The following PRTN3 variants were observed in gnomAD, a reference collection of about 807,000 sequenced individuals.
PRTN3 encodes the protein proteinase 3.
A neutral mutation model predicts 20.7 loss-of-function variants in PRTN3; 22 were observed. The ratio of observed to expected loss-of-function variants is 1.06; its 90% confidence interval spans 0.76 to 1.52. The LOEUF (loss-of-function observed/expected upper bound fraction) is 1.52, where lower values mean the gene tolerates loss of function less well. PRTN3 is among the 40% of genes most tolerant of loss of function. PRTN3 has a pLI of 0.00. For synonymous variants in PRTN3, 173 were observed against 152.9 expected (o/e 1.13, Z -0.97); for missense variants, 378 against 359.6 (o/e 1.05, Z -0.41).
In PRTN3 at chr19:846,251, C is replaced by A; in HGVS notation, c.474C>A (p.Gly158=). 6.4e-7 allele frequency: 1 copy of A among 1,562,924 alleles called. No homozygotes were observed. Among genetic ancestry groups the A allele is most frequent in the Non-Finnish European group, 8.7e-7 (1 of 1,154,852 alleles). ...CCCAGTGCCTGGCCATGGGCTGGGGCCGCGTGGGTGCCCACGACCCCCCAG... is the reference window on the plus strand; with the variant it reads ...CCCAGTGCCTGGCCATGGGCTGGGGACGCGTGGGTGCCCACGACCCCCCAG... The part of the protein sequence containing the change: ...HGTQCLAMGW[G]RVGAHDPPAQ... Residue 158 remains glycine, a synonymous_variant, in exon 4 of 5, where the codon GGC becomes GGA. Transcript: ENST00000234347.
chr19:842,586 A>ATTTTTTTTTTTTTT (rs71174326), intron 1 of PRTN3, among the ~76,000 whole-genome samples: 7 of 65,476 alleles, frequency 1.1e-4, no homozygotes, highest in African/African-American at 5.5e-4. Context: ...CACCTGGCTA[A>ATTTTTTTTTTTTTT]TTTTTTTTTT....
chr19:846,224 C>T lies in PRTN3; in HGVS notation c.447C>T (p.Gly149=), dbSNP rs1169790181. The change falls in exon 4 of 5, where the codon GGC becomes GGT. Residue 149 remains glycine (G), a synonymous_variant. Coordinates refer to ENST00000234347, the MANE Select transcript of PRTN3 (RefSeq NM_002777.4). ...AGCAGGACCAGCCAGTGCCCCACGG[C>T]ACCCAGTGCCTGGCCATGGGCTGGG... ...LPQQDQPVPH[G]TQCLAMGWGR... 1 of 1,549,240 alleles carries T rather than the reference C, an allele frequency of 6.5e-7. No individual in the cohort carries two copies. Among genetic ancestry groups the T allele is most frequent in the Non-Finnish European group, 8.7e-7 (1 of 1,146,652 alleles).
At chr19:847,490 TAGAG>T (rs762770412) in intron 4 of PRTN3, among the ~76,000 whole-genome samples, 56 of 83,236 alleles carry the variant, frequency 6.7e-4, no homozygotes, top group Admixed American at 2.0e-3. Flanking sequence ...AAGAAAGAGA[TAGAG>T]AGAGAAAGAA....
chr19:841,949 G>C (rs192757354), intron 1 of PRTN3, among the ~76,000 whole-genome samples: 3 of 151,802 alleles, frequency 2.0e-5, no homozygotes, highest in South Asian at 4.2e-4. Flanking sequence ...GGATGGTCTC[G>C]ATCTCCTGAC....
intron 2 of PRTN3, 49 bp downstream of exon 2, chr19:843,675 C>G (rs1455533614): frequency 4.0e-5 from 61 of 1,531,912 alleles, no homozygotes; most frequent in Non-Finnish European, 5.0e-5. Context: ...CCCTCTTCCT[C>G]CAGCCCTGGC....
chr19:841,166 G>A, intron 1 of PRTN3, 97 bp downstream of exon 1: 2 of 1,475,882 alleles, frequency 1.4e-6, no homozygotes, highest in Non-Finnish European at 1.8e-6. Flanking sequence ...TTCTGGCACA[G>A]CTGGGGAAAC....
intron 2 of PRTN3, 112 bp from the exon 3 acceptor site, chr19:843,781 G>A (rs1268674082): frequency 1.4e-5 from 20 of 1,455,552 alleles, no homozygotes; most frequent in Admixed American, 2.6e-5. Context: ...GGAGGCCCGG[G>A]GCAGGGTCGC....
At chr19:843,425 T>A in intron 1 of PRTN3, 36 bp from the exon 2 acceptor site, 1 of 1,514,620 alleles carries the variant, frequency 6.6e-7, no homozygotes, top group Non-Finnish European at 8.8e-7. Context: ...CCCTGCAGCC[T>A]GGGGGCTCCC....
Position 847,789 on chromosome 19 carries a change from T to C in PRTN3, c.601-10T>C, listed in dbSNP as rs375249672. 2.3e-5 allele frequency: 37 copies of C among 1,602,350 alleles called. No individual in the cohort carries two copies. The African/African-American group carries it at 4.3e-4, about 19-fold the overall frequency. ...CCCCTGATGGGTGACTGGCCGTCCC[T>C]GTCCTCCAGGGAGACTCAGGTGGCC... On this transcript the variant is annotated splice_polypyrimidine_tract_variant and intron_variant, in intron 4 of 4. Coordinates refer to ENST00000234347, the MANE Select transcript of PRTN3 (RefSeq NM_002777.4).
chr19:847,733 C>T lies in PRTN3; in HGVS notation c.601-66C>T, dbSNP rs2035537887. ...CAGGTGGCCCCTGATGGGTGACTGG[C>T]CGTCCCCATCCTCCAGGGAGACTCA... On this transcript the variant is annotated intron_variant, in intron 4 of 4. Transcript: ENST00000234347. 17 of 1,519,632 alleles carry T rather than the reference C, an allele frequency of 1.1e-5. No individual in the cohort carries two copies. The East Asian group carries it at 3.1e-4, about 27-fold the overall frequency. The allele number at this position is 1,519,632 out of a possible 1,614,324, so 94.1% of individuals were successfully genotyped here.
At chr19:842,498 C>T (rs183902928) in intron 1 of PRTN3, among the ~76,000 whole-genome samples, 70 of 134,914 alleles carry the variant, frequency 5.2e-4, no homozygotes, top group African/African-American at 1.9e-3. Flanking sequence ...CGGCTCACTG[C>T]AACCTGTGCC....
chr19:846,429 G>A, intron 4 of PRTN3, 52 bp downstream of exon 4: 1 of 1,510,724 alleles, frequency 6.6e-7, no homozygotes, highest in Non-Finnish European at 8.9e-7. Flanking sequence ...AGGGGAGGAG[G>A]GCGGCGGCCA....
chr19:847,665 G>T, intron 4 of PRTN3, 134 bp from the exon 5 acceptor site: 3 of 1,094,962 alleles, frequency 2.7e-6, no homozygotes, highest in African/African-American at 1.6e-5. Context: ...GGCTGCCTGG[G>T]GCCAGCCCGG....
Position 846,432 on chromosome 19 carries a change from G to A in PRTN3, c.600+55G>A, listed in dbSNP as rs888652703. On this transcript the variant is annotated intron_variant, in intron 4 of 4. Coordinates refer to ENST00000234347, the MANE Select transcript of PRTN3 (RefSeq NM_002777.4). ...CGGGCTGCCATGAGGGGAGGAGGGC[G>A]GCGGCCAGGGTTCCACGCCACCTCT... The A allele has an allele frequency of 1.9e-5, 29 of 1,494,712 alleles. 1 individual carries two copies. The highest frequency in any genetic ancestry group is 1.5e-4 in the South Asian group (12 of 81,738). 92.6% of individuals were successfully genotyped at this position (1,494,712 alleles called of 1,614,324 possible).
Position 846,209 on chromosome 19 carries a change from GCCAGTGCCCCACGGCAC to G in PRTN3, c.441_457del (p.His148GlyfsTer33). The G allele has an allele frequency of 1.3e-6, 2 of 1,544,874 alleles. No homozygotes were observed. Among genetic ancestry groups the G allele is most frequent in the Non-Finnish European group, 1.7e-6 (2 of 1,144,022 alleles). ...CAGTCCAGCTGCCACAGCAGGACCAGCCAGTGCCCCACGGCACCCAGTGCCTGGCCATGGGCTGGGGC... is the reference window on the plus strand; with the variant it reads ...CAGTCCAGCTGCCACAGCAGGACCAGCCAGTGCCTGGCCATGGGCTGGGGC... On this transcript the variant is annotated frameshift_variant, in exon 4 of 5. Coordinates refer to ENST00000234347, the MANE Select transcript of PRTN3 (RefSeq NM_002777.4). LOFTEE classifies it high-confidence loss of function.
intron 3 of PRTN3, among the ~76,000 whole-genome samples, chr19:845,803 G>A (rs547105303): frequency 2.0e-5 from 3 of 152,028 alleles, no homozygotes; most frequent in Non-Finnish European, 4.4e-5. Context: ...CAGCACTTTC[G>A]GAGGCTGAGG....
At chr19:844,671 T>C (rs1372561633) in intron 3 of PRTN3, among the ~76,000 whole-genome samples, 1 of 150,640 alleles carries the variant, frequency 6.6e-6, no homozygotes. Context: ...AACCGCGTGC[T>C]CCTCTCATTC....
chr19:843,824 C>T lies in PRTN3; in HGVS notation c.228-69C>T, dbSNP rs541712849. On this transcript the variant is annotated intron_variant, in intron 2 of 4. Transcript: ENST00000234347. ...GGGGTCTGGGGCTGCACCGCGGCCT[C>T]GGGAAGGGCCGGCTGTGGGCGGCGG... is the stretch of plus-strand genomic sequence containing the variant. The T allele has an allele frequency of 1.7e-4, 257 of 1,509,510 alleles. 1 individual carries two copies. Among genetic ancestry groups the T allele is most frequent in the Admixed American group, 1.0e-3 (45 of 45,044 alleles). The allele number at this position is 1,509,510 out of a possible 1,614,324, so 93.5% of individuals were successfully genotyped here. A position where few individuals can be genotyped will look rare whatever the true frequency, so the allele number is the denominator to read the frequency against.
At position 843,628 on chromosome 19, in the gene PRTN3, T is replaced by TGA; in HGVS notation, c.227+4_227+5dup. 1 of 1,555,680 alleles carries TGA rather than the reference T, an allele frequency of 6.4e-7. No individual in the cohort carries two copies. The highest frequency in any genetic ancestry group is 8.6e-7 in the Non-Finnish European group (1 of 1,158,490). Reference sequence around the variant, plus strand: ...GGCCGCGCACTGCCTGCGGGACATGTGAGCGGCCGCCTCCACACCCCTGTC... The same window carrying TGA: ...GGCCGCGCACTGCCTGCGGGACATGTGAGAGCGGCCGCCTCCACACCCCTGTC... On this transcript the variant is annotated splice_region_variant and intron_variant, in intron 2 of 4. Transcript: ENST00000234347.
Sources: gnomAD v4.1 joint callset for allele counts (sites outside exome capture counted in the v4.1 genomes callset) on GRCh38, gnomAD v4.1.1 for gene constraint, MANE v1.5 for transcripts, NCBI Gene and HGNC (gene_info 2026-07-23, HGNC 2026-07-21) for gene names.